Variants in YWHAQ observed in about 807,000 individuals in gnomAD.
YWHAQ encodes the protein tyrosine 3-monooxygenase/tryptophan 5-monooxygenase activation protein theta, also known as 14-3-3 protein theta.
In YWHAQ, 6 loss-of-function variants were observed where a neutral mutation model predicts 28.3. The observed-to-expected ratio is 0.21, with a 90% confidence interval of 0.12 to 0.42. The LOEUF is 0.42. Among genes scored for constraint, YWHAQ ranks in the 10% least tolerant of loss-of-function variants. The probability of loss-of-function intolerance (pLI) is 1.00; values close to 1 mark genes in which losing one functional copy is unlikely to be tolerated. For synonymous variants in YWHAQ, 143 were observed against 119.1 expected (o/e 1.20, Z -1.31); for missense variants, 201 against 305.6 (o/e 0.66, Z 2.55).
intron 5 of YWHAQ, among the ~76,000 whole-genome samples, chr2:9,586,459 A>G (rs376651297): frequency 1.2e-4 from 19 of 152,230 alleles, no homozygotes; most frequent in African/African-American, 4.1e-4. Context: ...ACCTGTCTCC[A>G]TAATAGAGAT....
chr2:9,600,174 T>A (rs940442817), intron 2 of YWHAQ, among the ~76,000 whole-genome samples: 36 of 152,298 alleles, frequency 2.4e-4, no homozygotes, highest in African/African-American at 8.4e-4. Context: ...CAAACTCATG[T>A]TAAAACTTGA....
At chr2:9,617,506 AG>A (rs1302895029) in intron 2 of YWHAQ, among the ~76,000 whole-genome samples, 1 of 152,180 alleles carries the variant, frequency 6.6e-6, no homozygotes, top group Non-Finnish European at 1.5e-5. Flanking sequence ...CAGTTTTGCA[AG>A]ATGAAGAGTT....
rs1228055068 is a variant in YWHAQ, at chr2:9,630,773, CCCGG to C, written c.-83+164_-83+167del. 6.6e-6 allele frequency: 1 copy of C among 151,434 alleles called. No individual in the cohort carries two copies. The highest frequency in any genetic ancestry group is 1.5e-5 in the Non-Finnish European group (1 of 68,024). The allele number at this position is 151,434 out of a possible 1,614,324, so 9.4% of individuals were successfully genotyped here. On this transcript the variant is annotated intron_variant, in intron 1 of 5. Coordinates refer to ENST00000238081, the MANE Select transcript of YWHAQ (RefSeq NM_006826.4). The surrounding 1 kb of genome is among the most constrained non-coding windows in gnomAD (Gnocchi z 5.6). ...GCCGCGGCCGCTCCCGCCACCCCCG[CCCGG>C]CCGGCCCAAGATGGAAGCGACCGTT...
At chr2:9,619,373 T>C (rs1372402823) in intron 2 of YWHAQ, among the ~76,000 whole-genome samples, 1 of 152,092 alleles carries the variant, frequency 6.6e-6, no homozygotes, top group East Asian at 1.9e-4. Flanking sequence ...CTGTACTATT[T>C]AAAACAGCAA....
chr2:9,594,581 T>A (rs1255725294), intron 2 of YWHAQ, among the ~76,000 whole-genome samples: 1 of 152,120 alleles, frequency 6.6e-6, no homozygotes, highest in African/African-American at 2.4e-5. Flanking sequence ...ACCAAGGAAC[T>A]CTAATGTAAA....
chr2:9,589,651 ATCATCAACACCAAAATC>A (rs1195496948), intron 3 of YWHAQ, among the ~76,000 whole-genome samples: 1 of 152,238 alleles, frequency 6.6e-6, no homozygotes, highest in Non-Finnish European at 1.5e-5. Context: ...CTTTACAAAG[ATCATCAACACCAAAATC>A]TCTATTTTTC....
chr2:9,585,687 C>T (rs1195864339), intron 5 of YWHAQ, among the ~76,000 whole-genome samples: 4 of 152,098 alleles, frequency 2.6e-5, no homozygotes, highest in East Asian at 1.9e-4. Flanking sequence ...ATGAGAAGAT[C>T]GCATGAGGCC....
intron 2 of YWHAQ, among the ~76,000 whole-genome samples, chr2:9,594,200 T>C (rs2125063955): frequency 6.6e-6 from 1 of 152,212 alleles, no homozygotes; most frequent in East Asian, 1.9e-4. Context: ...CTCTTAACTG[T>C]AAAAACAACA....
At chr2:9,606,785 T>C (rs187987096) in intron 2 of YWHAQ, among the ~76,000 whole-genome samples, 1 of 152,320 alleles carries the variant, frequency 6.6e-6, no homozygotes, top group Non-Finnish European at 1.5e-5. Context: ...CCTTACTGCT[T>C]TGTAGGAACT....
chr2:9,602,894 T>TATATATATATATAC (rs1666744016), intron 2 of YWHAQ, among the ~76,000 whole-genome samples: 1 of 93,942 alleles, frequency 1.1e-5, no homozygotes, highest in Non-Finnish European at 2.1e-5. Flanking sequence ...TATATATATA[T>TATATATATATATAC]ATATATATAG....
intron 2 of YWHAQ, among the ~76,000 whole-genome samples, chr2:9,606,097 T>C (rs1293746694): frequency 1.3e-5 from 2 of 152,220 alleles, no homozygotes; most frequent in African/African-American, 2.4e-5. Flanking sequence ...TGAGGAACAC[T>C]TAAGCTGCTT....
rs1390211316 is a variant in YWHAQ, at chr2:9,584,800, C to A, written c.*486G>T. The A allele has an allele frequency of 6.4e-6, 1 of 156,764 alleles. No individual in the cohort carries two copies. Among genetic ancestry groups the A allele is most frequent in the African/African-American group, 2.4e-5 (1 of 41,422 alleles). The allele number at this position is 156,764 out of a possible 1,614,324, so 9.7% of individuals were successfully genotyped here. ...TGCTTTTCCATTCAATCTAATACTT[C>A]CGGATTCCTACTAAAAAGGAATACA... On this transcript the variant is annotated 3_prime_UTR_variant, in exon 6 of 6. Transcript: ENST00000238081.
At chr2:9,601,012 G>T (rs1264987569) in intron 2 of YWHAQ, among the ~76,000 whole-genome samples, 1 of 152,188 alleles carries the variant, frequency 6.6e-6, no homozygotes, top group African/African-American at 2.4e-5. Flanking sequence ...ACACTGTAGG[G>T]AACCAAAAAT....
At position 9,598,164 on chromosome 2, in the gene YWHAQ, C is replaced by T. The variant is rs561322475; in HGVS notation, c.295-6649G>A. Among the ~76,000 whole-genome samples, 3 of 152,142 alleles carry T rather than the reference C, an allele frequency of 2.0e-5. No homozygotes were observed. The East Asian group carries it at 5.8e-4, about 29-fold the overall frequency. ...AACCTTATAACCAATGCGACTGATC[C>T]TATATGCTGTGGGATTTAGCGGACA... is the stretch of plus-strand genomic sequence containing the variant. On this transcript the variant is annotated intron_variant, in intron 2 of 5. Transcript: ENST00000238081.
intron 2 of YWHAQ, among the ~76,000 whole-genome samples, chr2:9,629,781 T>C (rs1221051763): frequency 6.6e-6 from 1 of 152,204 alleles, no homozygotes; most frequent in Non-Finnish European, 1.5e-5. Flanking sequence ...TGCCTGCGCC[T>C]TCTTTCAACT....
At chr2:9,597,506 C>T (rs541431532) in intron 2 of YWHAQ, among the ~76,000 whole-genome samples, 45 of 151,748 alleles carry the variant, frequency 3.0e-4, no homozygotes, top group African/African-American at 9.7e-4. Context: ...ATTAGCCAGG[C>T]GTGGTGGCAG....
Position 9,611,070 on chromosome 2 carries a change from T to G in YWHAQ, c.294+19089A>C, listed in dbSNP as rs1666937810. Among the ~76,000 whole-genome samples, 5 of 152,304 alleles carry G rather than the reference T, an allele frequency of 3.3e-5. No homozygotes were observed. The South Asian group carries it at 1.0e-3, about 32-fold the overall frequency. Reference sequence around the variant, plus strand: ...AAGCATAGTATACTTTGAGAACATATATTTCCCTTCTCTTTAGAGCCACTG... The same window carrying G: ...AAGCATAGTATACTTTGAGAACATAGATTTCCCTTCTCTTTAGAGCCACTG... On this transcript the variant is annotated intron_variant, in intron 2 of 5. Coordinates refer to ENST00000238081, the MANE Select transcript of YWHAQ (RefSeq NM_006826.4).
At chr2:9,612,552 T>C (rs1208339863) in intron 2 of YWHAQ, among the ~76,000 whole-genome samples, 1 of 152,224 alleles carries the variant, frequency 6.6e-6, no homozygotes, top group Non-Finnish European at 1.5e-5. Context: ...TTGGGAAGCA[T>C]TGTCCTGACT....
chr2:9,629,003 G>A (rs2125076048), intron 2 of YWHAQ: 1 of 151,116 alleles, frequency 6.6e-6, no homozygotes, highest in Admixed American at 6.6e-5. Flanking sequence ...TTTAAACAAG[G>A]GGTGGGGAAC....
Sources: gnomAD v4.1 joint callset for allele counts (sites outside exome capture counted in the v4.1 genomes callset) on GRCh38, gnomAD v4.1.1 for gene constraint, Gnocchi (gnomAD v3.1) non-coding constraint, MANE v1.5 for transcripts, NCBI Gene and HGNC (gene_info 2026-07-23, HGNC 2026-07-21) for gene names.